Variants in PAXIP1 observed in about 807,000 individuals in gnomAD.
PAXIP1 encodes PAX-interacting protein 1.
PAXIP1 carries 19 observed loss-of-function variants against 140.6 expected under a neutral mutation model. That is an observed-to-expected ratio of 0.14 (90% CI 0.09 to 0.20). The LOEUF is 0.20. PAXIP1 is among the 10% of genes least tolerant of loss of function. The pLI is 1.00. For synonymous variants in PAXIP1, 442 were observed against 444.6 expected, an observed-to-expected ratio of 0.99 and a Z score of 0.07; for missense variants, 920 against 1,208.6, an observed-to-expected ratio of 0.76 and a Z score of 3.54.
chr7:154,967,125 G>A (rs1423727115), intron 8 of PAXIP1, among the ~76,000 whole-genome samples: 3 of 152,128 alleles, frequency 2.0e-5, no homozygotes, highest in East Asian at 3.9e-4. Flanking sequence ...CTGCTTAGCC[G>A]TGTGGCTGCC....
chr7:154,990,288 A>T (rs1810269579), intron 4 of PAXIP1, among the ~76,000 whole-genome samples: 1 of 151,746 alleles, frequency 6.6e-6, no homozygotes, highest in African/African-American at 2.4e-5. Context: ...TGATCCGCCC[A>T]CCTCGGCCTC....
intron 3 of PAXIP1, among the ~76,000 whole-genome samples, chr7:154,991,360 A>G (rs908030147): frequency 1.3e-5 from 2 of 152,246 alleles, no homozygotes; most frequent in African/African-American, 4.8e-5. Flanking sequence ...TCTGATAGCT[A>G]GCTAACTATA....
At chr7:154,948,078 C>T (rs901337476) in intron 16 of PAXIP1, 75 bp from the exon 17 acceptor site, 17 of 940,470 alleles carry the variant, frequency 1.8e-5, no homozygotes, top group East Asian at 1.7e-4. Context: ...ACAAAATTCT[C>T]GCCCATATTC....
intron 2 of PAXIP1, among the ~76,000 whole-genome samples, chr7:154,998,267 G>T (rs1487742185): frequency 7.2e-5 from 11 of 152,174 alleles, no homozygotes; most frequent in Admixed American, 7.2e-4. Flanking sequence ...CAGCACTTTG[G>T]GAGGCTGAGG....
Position 154,954,402 on chromosome 7 carries a change from C to A in PAXIP1, c.2674G>T (p.Glu892Ter). The A allele has an allele frequency of 6.4e-7, 1 of 1,559,180 alleles. No individual in the cohort carries two copies. The highest frequency in any genetic ancestry group is 1.8e-5 in the Admixed American group (1 of 55,828). Residue 892 changes from glutamate (E) to a stop codon, truncating the protein, a stop_gained, in exon 16 of 21, where the codon GAG becomes TAG. Coordinates refer to ENST00000404141, the MANE Select transcript of PAXIP1 (RefSeq NM_007349.4). LOFTEE classifies it high-confidence loss of function. This position sits in a 1 kb window ranked among gnomAD's most constrained non-coding sequence, Gnocchi z 5.1. ...CACTTCTGTGCAGACTCCGCAACCTCTCCACCAAGAATGTAGAGCTTCTAA... is the reference window on the plus strand; with the variant it reads ...CACTTCTGTGCAGACTCCGCAACCTATCCACCAAGAATGTAGAGCTTCTAA... ...YIKKLYILGG[E>*]VAESAQKCTH...
chr7:154,947,912 T>G lies in PAXIP1; in HGVS notation c.2913A>C (p.Pro971=), dbSNP rs1191742530. ...EESLKRAHVS[P]LFKAKYFYIT... ...TTCCCTTAAAGTGTACCTTAAAGAG[T>G]GGAGAAACGTGTGCCCGTTTTAAGG... Residue 971 remains proline (P), a synonymous_variant, in exon 17 of 21, where the codon CCA becomes CCC. Coordinates refer to ENST00000404141, the MANE Select transcript of PAXIP1 (RefSeq NM_007349.4). The G allele has an allele frequency of 6.2e-7, 1 of 1,605,166 alleles. No individual in the cohort carries two copies. The highest frequency in any genetic ancestry group is 1.1e-5 in the South Asian group (1 of 90,936).
chr7:154,971,117 AG>A (rs2150760275), intron 6 of PAXIP1, among the ~76,000 whole-genome samples: 1 of 152,340 alleles, frequency 6.6e-6, no homozygotes, highest in East Asian at 1.9e-4. Flanking sequence ...ATTGGCCAAG[AG>A]GACTCAGCAG....
At chr7:154,978,740 G>T (rs540072235) in intron 5 of PAXIP1, among the ~76,000 whole-genome samples, 3 of 152,136 alleles carry the variant, frequency 2.0e-5, no homozygotes, top group South Asian at 4.2e-4. Context: ...AAGTTAAAAA[G>T]ATATCTGTTG....
intron 8 of PAXIP1, chr7:154,967,562 A>G (rs1026848588): frequency 1.3e-5 from 6 of 452,220 alleles, no homozygotes; most frequent in African/African-American, 5.9e-5. Context: ...TTATACACAT[A>G]TAATTAGTGC....
intron 4 of PAXIP1, among the ~76,000 whole-genome samples, chr7:154,987,681 T>G (rs1471411226): frequency 6.6e-6 from 1 of 152,190 alleles, no homozygotes; most frequent in Non-Finnish European, 1.5e-5. Context: ...CCTTCAGCGG[T>G]GCTGCCACTT....
chr7:154,998,347 A>G (rs1217399618), intron 2 of PAXIP1, among the ~76,000 whole-genome samples: 2 of 152,178 alleles, frequency 1.3e-5, no homozygotes, highest in African/African-American at 2.4e-5. Flanking sequence ...TGTCTCTACT[A>G]GAATACAAAA....
chr7:154,990,755 T>A (rs1353177815), intron 4 of PAXIP1, among the ~76,000 whole-genome samples: 1 of 152,214 alleles, frequency 6.6e-6, no homozygotes, highest in Admixed American at 6.5e-5. Flanking sequence ...ATTTCATTTT[T>A]AATATTTTTT....
Position 154,955,547 on chromosome 7 carries a change from C to G in PAXIP1, c.2634G>C (p.Gln878His). 6.2e-7 allele frequency: 1 copy of G among 1,609,142 alleles called. No homozygotes were observed. The highest frequency in any genetic ancestry group is 2.2e-5 in the East Asian group (1 of 44,718). ...ATTTCACCTTAATATACTGTTGAAC[C>G]TGGACAGGCTCGAATCCAGTGAAAA... ...FVLFTGFEPV[Q>H]VQQYIKKLYI... is the part of the protein sequence containing the mutation. Residue 878 changes from glutamine (Q) to histidine (H), a missense_variant, in exon 15 of 21, where the codon CAG becomes CAC. Around this residue, in one of 5 missense-constraint regions of PAXIP1, gnomAD observed 303 missense variants for 517.9 expected, o/e 0.59. Coordinates refer to ENST00000404141, the MANE Select transcript of PAXIP1 (RefSeq NM_007349.4).
intron 16 of PAXIP1, chr7:154,951,764 C>T (rs1342510361): frequency 6.6e-6 from 1 of 152,198 alleles, no homozygotes; most frequent in Non-Finnish European, 1.5e-5. Context: ...TGGTCATTCA[C>T]TAAATTGGCT....
chr7:154,998,335 C>T (rs763999093), intron 2 of PAXIP1, among the ~76,000 whole-genome samples: 1 of 152,064 alleles, frequency 6.6e-6, no homozygotes, highest in Non-Finnish European at 1.5e-5. Context: ...ATGTTGAAAC[C>T]CTGTCTCTAC....
Position 154,963,746 on chromosome 7 carries a change from G to A in PAXIP1, c.1914C>T (p.Gly638=), listed in dbSNP as rs1808872533. 1 of 1,612,834 alleles carries A rather than the reference G, an allele frequency of 6.2e-7. No homozygotes were observed. Among genetic ancestry groups the A allele is most frequent in the South Asian group, 1.1e-5 (1 of 90,800 alleles). The part of the protein sequence containing the change: ...TWKRIIQAHG[G]TVDPTFTSRC... ...GACTCGTGAAGGTGGGGTCAACAGT[G>A]CCGCCATGTGCCTGGATTATCTACA... The change falls in exon 9 of 21, where the codon GGC becomes GGT. Residue 638 remains glycine (G), a synonymous_variant. Coordinates refer to ENST00000404141, the MANE Select transcript of PAXIP1 (RefSeq NM_007349.4). The surrounding 1 kb of genome is among the most constrained non-coding windows in gnomAD (Gnocchi z 4.1).
In PAXIP1 at chr7:154,946,294, G is replaced by A; in HGVS notation, c.3194+71C>T. 1 of 1,610,088 alleles carries A rather than the reference G, an allele frequency of 6.2e-7. No homozygotes were observed. Among genetic ancestry groups the A allele is most frequent in the Non-Finnish European group, 8.5e-7 (1 of 1,177,392 alleles). ...TGGCTTGCAAAACAGGAAAGGTACT[G>A]CCTTATTAACCTGGGAAATCCATTT... On this transcript the variant is annotated intron_variant, in intron 20 of 20. Transcript: ENST00000404141. The surrounding 1 kb of genome is among the most constrained non-coding windows in gnomAD (Gnocchi z 4.9).
At position 154,946,715 on chromosome 7, in the gene PAXIP1, T is replaced by C; in HGVS notation, c.3021A>G (p.Pro1007=). 10 of 1,613,778 alleles carry C rather than the reference T, an allele frequency of 6.2e-6. No individual in the cohort carries two copies. The highest frequency in any genetic ancestry group is 8.5e-6 in the Non-Finnish European group (10 of 1,179,832). The change falls in exon 18 of 21, where the codon CCA becomes CCG. Residue 1007 remains proline (P), a synonymous_variant. Transcript: ENST00000404141. The surrounding 1 kb of genome is among the most constrained non-coding windows in gnomAD (Gnocchi z 4.9). ...TGTGCTCCATGAGCTTCCGGAAAGA[T>C]GGCTGCTTGGATAACACCTTTCCTC... ...CAGGKVLSKQ[P]SFRKLMEHKQ...
intron 16 of PAXIP1, among the ~76,000 whole-genome samples, chr7:154,952,563 T>C (rs1440768009): frequency 6.6e-6 from 1 of 152,232 alleles, no homozygotes; most frequent in Non-Finnish European, 1.5e-5. Context: ...CATGCAGGCG[T>C]GAGTTACAGT....
Sources: gnomAD v4.1 joint callset for allele counts (sites outside exome capture counted in the v4.1 genomes callset) on GRCh38, gnomAD v4.1.1 for gene constraint, gnomAD v4.1.1 regional missense constraint, Gnocchi (gnomAD v3.1) non-coding constraint, MANE v1.5 for transcripts, NCBI Gene and HGNC (gene_info 2026-07-23, HGNC 2026-07-21) for gene names.